The following DHRS2 variants were observed in gnomAD, a reference collection of about 807,000 sequenced individuals.
DHRS2 encodes the protein dehydrogenase/reductase SDR family member 2, mitochondrial.
In DHRS2, 29 loss-of-function variants were observed where a neutral mutation model predicts 26.3. That is an observed-to-expected ratio of 1.10 (90% CI 0.82 to 1.50). The LOEUF is 1.50. Ranked by LOEUF, DHRS2 falls within the 40% of genes most tolerant of loss-of-function variation. The pLI is 0.00. For synonymous variants in DHRS2, 164 were observed against 151.3 expected, an observed-to-expected ratio of 1.08 and a Z score of -0.62; for missense variants, 439 against 367.1, an observed-to-expected ratio of 1.20 and a Z score of -1.60.
chr14:23,643,208 C>A lies in DHRS2; in HGVS notation c.477C>A (p.Tyr159Ter). ...PALLLSQLLP[Y>*]MENRRGAVIL... is the part of the protein sequence containing the mutation. ...TGCTGCTGAGCCAGTTGCTGCCCTA[C>A]ATGGAGAACAGGTATGGCAGGGCGG... The change falls in exon 5 of 9, where the codon TAC becomes TAA. Residue 159 changes from tyrosine (Y) to a stop codon, truncating the protein, a stop_gained. Transcript: ENST00000250383. LOFTEE classifies it high-confidence loss of function. The A allele has an allele frequency of 6.2e-7, 1 of 1,614,020 alleles. No homozygotes were observed. Among genetic ancestry groups the A allele is most frequent in the Non-Finnish European group, 8.5e-7 (1 of 1,179,978 alleles).
intron 4 of DHRS2, chr14:23,641,685 A>G: frequency 7.8e-7 from 1 of 1,289,820 alleles, no homozygotes; most frequent in Non-Finnish European, 1.0e-6. Context: ...GGTGGTACCC[A>G]CTTCTGACAT....
chr14:23,639,053 G>A, intron 2 of DHRS2, 49 bp downstream of exon 2: 1 of 1,601,998 alleles, frequency 6.2e-7, no homozygotes, highest in Non-Finnish European at 8.5e-7. Context: ...GGGTCCTTGT[G>A]GCTTCCACAA....
intron 4 of DHRS2, 35 bp from the exon 5 acceptor site, chr14:23,643,117 T>C (rs1285233081): frequency 6.2e-7 from 1 of 1,610,574 alleles, no homozygotes; most frequent in South Asian, 1.1e-5. Flanking sequence ...TGACCATGTC[T>C]CTCTGCCCTC....
At chr14:23,644,731 C>A in intron 7 of DHRS2, 96 bp from the exon 8 acceptor site, 2 of 1,513,382 alleles carry the variant, frequency 1.3e-6, no homozygotes, top group Non-Finnish European at 9.1e-7. Flanking sequence ...TTGAGAAGGG[C>A]AAAGCTGCCC....
At position 23,643,196 on chromosome 14, in the gene DHRS2, G is replaced by T. The variant is rs770242537; in HGVS notation, c.465G>T (p.Gln155His). 6.2e-6 allele frequency: 10 copies of T among 1,613,988 alleles called. No individual in the cohort carries two copies. The South Asian group carries it at 1.1e-4, about 18-fold the overall frequency. Residue 155 changes from glutamine (Q) to histidine (H), a missense_variant, in exon 5 of 9, where the codon CAG (glutamine) becomes CAT (histidine). Transcript: ENST00000250383. Reference sequence around the variant, plus strand: ...AGTCCCCAGCCCTGCTGCTGAGCCAGTTGCTGCCCTACATGGAGAACAGGT... The same window carrying T: ...AGTCCCCAGCCCTGCTGCTGAGCCATTTGCTGCCCTACATGGAGAACAGGT... ...NVKSPALLLS[Q>H]LLPYMENRRG...
chr14:23,639,558 G>T (rs2164865), intron 3 of DHRS2, among the ~76,000 whole-genome samples: 8,131 of 152,154 alleles, frequency 0.053, 773 homozygotes, highest in African/African-American at 0.19. Flanking sequence ...CCCCAGGCCC[G>T]GGGAGAATCA....
intron 4 of DHRS2, chr14:23,641,987 C>T: frequency 8.9e-7 from 1 of 1,126,952 alleles, no homozygotes. Flanking sequence ...CCAGGCTCCG[C>T]CTCTGCATCT....
At position 23,636,648 on chromosome 14, in the gene DHRS2, C is replaced by A. The variant is rs4147557; in HGVS notation, c.-163C>A. On this transcript the variant is annotated 5_prime_UTR_variant, in exon 1 of 9. Transcript: ENST00000250383. The stretch of plus-strand genomic sequence containing the variant: ...GCCAAGAACCCATCAATTCCGTACA[C>A]ATTTTGGTGACTTTGAAGAGACTGT... 28,869 of 152,058 alleles carry A rather than the reference C, an allele frequency of 0.19. 2,950 individuals carry two copies. Among genetic ancestry groups the A allele is most frequent in the East Asian group, 0.36 (1,838 of 5,134 alleles). The allele number at this position is 152,058 out of a possible 1,614,324, so 9.4% of individuals were successfully genotyped here. A position where few individuals can be genotyped will look rare whatever the true frequency, so the allele number is the denominator to read the frequency against.
At chr14:23,632,708 G>T (rs10146614), upstream of DHRS2, among the ~76,000 whole-genome samples, 14,381 of 152,214 alleles carry the variant, frequency 0.094, 2,365 homozygotes, top group African/African-American at 0.33. Flanking sequence ...TAAGGCAGGG[G>T]TTGCTTAGTA....
rs369350019 is a variant in DHRS2, at chr14:23,645,232, A to C, written c.822A>C (p.Ala274=). The change falls in exon 9 of 9, where the codon GCA becomes GCC. Residue 274 remains alanine, a synonymous_variant. Coordinates refer to ENST00000250383, the MANE Select transcript of DHRS2 (RefSeq NM_005794.4). The part of the protein sequence containing the change: ...SYVNGENIAV[A]GYSTRL The stretch of plus-strand genomic sequence containing the variant: ...TCAACGGGGAGAACATTGCGGTGGC[A>C]GGCTACTCCACTCGGCTCTGAGAGG... The C allele has an allele frequency of 6.2e-7, 1 of 1,614,008 alleles. No homozygotes were observed. The highest frequency in any genetic ancestry group is 1.7e-5 in the Admixed American group (1 of 60,002).
At chr14:23,639,144 T>C (rs1208351052) in intron 2 of DHRS2, 35 bp from the exon 3 acceptor site, 1 of 1,607,976 alleles carries the variant, frequency 6.2e-7, no homozygotes, top group South Asian at 1.1e-5. Context: ...GGAGAGAGGC[T>C]GAGGCTGACT....
At chr14:23,639,643 C>T in intron 3 of DHRS2, 151 bp from the exon 4 acceptor site, 3 of 891,444 alleles carry the variant, frequency 3.4e-6, no homozygotes, top group East Asian at 3.0e-5. Context: ...TCTCTCAGTG[C>T]CTGGCCCCAG....
At position 23,645,149 on chromosome 14, in the gene DHRS2, G is replaced by A; in HGVS notation, c.739G>A (p.Glu247Lys). The A allele has an allele frequency of 6.2e-7, 1 of 1,614,128 alleles. No homozygotes were observed. Among genetic ancestry groups the A allele is most frequent in the Non-Finnish European group, 8.5e-7 (1 of 1,179,970 alleles). Residue 247 changes from glutamate to lysine, a missense_variant, in exon 9 of 9, where the codon GAG becomes AAG. Transcript: ENST00000250383. Reference sequence around the variant, plus strand: ...TGTCCTTCTTCCATCCAGGATTGGGGAGTCAGAGGACTGTGCAGGAATCGT... The same window carrying A: ...TGTCCTTCTTCCATCCAGGATTGGGAAGTCAGAGGACTGTGCAGGAATCGT... ...KEHHQLQRIGESEDCAGIVSF... is the reference protein window; with the variant it reads ...KEHHQLQRIGKSEDCAGIVSF...
chr14:23,644,498 A>G lies in DHRS2; in HGVS notation c.630A>G (p.Val210=), dbSNP rs768164976. 5 of 1,614,246 alleles carry G rather than the reference A, an allele frequency of 3.1e-6. No homozygotes were observed. Among genetic ancestry groups the G allele is most frequent in the Non-Finnish European group, 3.4e-6 (4 of 1,180,036 alleles). ...ALELAPKDIR[V]NCVVPGIIKT... ...AGCTGGCCCCCAAGGACATCCGGGT[A>G]AACTGCGTGGTTCCAGGAATTATCA... Residue 210 remains valine (V), a synonymous_variant, in exon 7 of 9, where the codon GTA becomes GTG. Coordinates refer to ENST00000250383, the MANE Select transcript of DHRS2 (RefSeq NM_005794.4).
At chr14:23,637,769 T>A (rs925819125) in intron 1 of DHRS2, among the ~76,000 whole-genome samples, 4 of 152,140 alleles carry the variant, frequency 2.6e-5, no homozygotes, top group African/African-American at 4.8e-5. Context: ...GCGAAAGGAT[T>A]GTAAATGCAC....
At chr14:23,641,817 G>C in intron 4 of DHRS2, 1 of 1,272,564 alleles carries the variant, frequency 7.9e-7, no homozygotes, top group South Asian at 1.3e-5. Flanking sequence ...TTGAGTGGGA[G>C]TGAGATTGGG....
chr14:23,638,995 C>T lies in DHRS2; in HGVS notation c.131C>T (p.Ser44Phe). 1.2e-6 allele frequency: 2 copies of T among 1,613,098 alleles called. No homozygotes were observed. The highest frequency in any genetic ancestry group is 1.1e-5 in the South Asian group (1 of 90,994). Reference protein sequence around the residue: ...LANRVAVVTGSTSGIGFAIAR... With the variant: ...LANRVAVVTGFTSGIGFAIAR... ...AACCGGGTAGCCGTGGTCACGGGGTCCACCAGTGGGTGAGTGCTGGATTGC... is the reference window on the plus strand; with the variant it reads ...AACCGGGTAGCCGTGGTCACGGGGTTCACCAGTGGGTGAGTGCTGGATTGC... The change falls in exon 2 of 9, where the codon TCC becomes TTC. Residue 44 changes from serine (S) to phenylalanine (F), a missense_variant. Ser to Phe is a radical substitution (Grantham distance 155). Transcript: ENST00000250383.
At chr14:23,637,453 G>C (rs894337114) in intron 1 of DHRS2, among the ~76,000 whole-genome samples, 1 of 152,138 alleles carries the variant, frequency 6.6e-6, no homozygotes, top group African/African-American at 2.4e-5. Flanking sequence ...GGGAGCCTCA[G>C]AAATTGTATC....
chr14:23,636,215 C>T (rs1036111604), upstream of DHRS2: 1 of 152,208 alleles, frequency 6.6e-6, no homozygotes, highest in African/African-American at 2.4e-5. Context: ...AATCAGCACT[C>T]TGTCAAAACG....
Sources: allele counts gnomAD v4.1 joint callset (sites outside exome capture counted in the v4.1 genomes callset), GRCh38; gene constraint gnomAD v4.1.1; transcripts MANE v1.5; gene names NCBI Gene and HGNC (gene_info 2026-07-23, HGNC 2026-07-21).